WNT5A: variants seen among roughly 807,000 people sequenced by gnomAD.
WNT5A encodes Wnt family member 5A, also known as protein Wnt-5a.
WNT5A carries 9 observed loss-of-function variants against 42.1 expected under a neutral mutation model. The ratio of observed to expected loss-of-function variants is 0.21; its 90% CI spans 0.13 to 0.37. The LOEUF is 0.37. Ranked by LOEUF, WNT5A falls within the 10% of genes least tolerant of loss-of-function variation. The pLI is 1.00. For missense variants in WNT5A, 426 were observed against 534.0 expected, an observed-to-expected ratio of 0.80 and a Z score of 1.99; for synonymous variants, 210 against 210.0, an observed-to-expected ratio of 1.00 and a Z score of 0.00.
the WNT5A span, among the ~76,000 whole-genome samples, chr3:55,498,764 G>A: frequency 6.6e-6 from 1 of 151,836 alleles, no homozygotes; most frequent in Admixed American, 6.5e-5. Context: ...AACAGAGATA[G>A]TCTCAGGATT....
rs375205756 is a variant in WNT5A, at chr3:55,467,936, C to A, written c.*2156G>T. ...AATTAGTGCTTTTTGCTTTCAAGAT[C>A]TTTTGCTCACAATTCACTGCAACTG... is the stretch of plus-strand genomic sequence containing the variant. On this transcript the variant is annotated 3_prime_UTR_variant, in exon 5 of 5. Transcript: ENST00000264634. 3 of 152,182 alleles carry A rather than the reference C, an allele frequency of 2.0e-5. No homozygotes were observed. The highest frequency in any genetic ancestry group is 1.5e-5 in the Non-Finnish European group (1 of 68,006). The allele number at this position is 152,182 out of a possible 1,614,324, so 9.4% of individuals were successfully genotyped here. A position where few individuals can be genotyped will look rare whatever the true frequency, so the allele number is the denominator to read the frequency against.
At chr3:55,482,205 C>A (rs968661698) in intron 1 of WNT5A, among the ~76,000 whole-genome samples, 1 of 152,212 alleles carries the variant, frequency 6.6e-6, no homozygotes, top group African/African-American at 2.4e-5. Flanking sequence ...GGCAAAGAGG[C>A]CCCCAGCGGC....
chr3:55,472,844 C>T (rs1197785099), intron 4 of WNT5A, among the ~76,000 whole-genome samples: 4 of 152,118 alleles, frequency 2.6e-5, no homozygotes, highest in East Asian at 3.8e-4. Flanking sequence ...TTACTACTGG[C>T]GGACACTAAA....
At chr3:55,488,668 TGAAA>T (rs2051620603), upstream of WNT5A, among the ~76,000 whole-genome samples, 1 of 152,026 alleles carries the variant, frequency 6.6e-6, no homozygotes, top group African/African-American at 2.4e-5. Context: ...CGGCATCTGC[TGAAA>T]GAGAGAGGTC....
At chr3:55,503,934 G>A in the WNT5A span, among the ~76,000 whole-genome samples, 1 of 152,176 alleles carries the variant, frequency 6.6e-6, no homozygotes, top group Non-Finnish European at 1.5e-5. Flanking sequence ...CAGCAACAGA[G>A]CAAGACTCTG....
the WNT5A span, among the ~76,000 whole-genome samples, chr3:55,499,992 AAAATTAAATT>A: frequency 6.6e-6 from 1 of 151,218 alleles, no homozygotes; most frequent in South Asian, 2.1e-4. Flanking sequence ...AAAAAAAAAA[AAAATTAAATT>A]AAATTAAATT....
chr3:55,501,215 TA>T, the WNT5A span, among the ~76,000 whole-genome samples: 5 of 152,216 alleles, frequency 3.3e-5, no homozygotes, highest in East Asian at 7.7e-4. Context: ...TATCCAGTTA[TA>T]TGCCCTCCTC....
At chr3:55,480,429 C>T (rs2051436064) in intron 2 of WNT5A, among the ~76,000 whole-genome samples, 1 of 152,210 alleles carries the variant, frequency 6.6e-6, no homozygotes. Flanking sequence ...CTCACTTTTA[C>T]TACCTAGAGG....
chr3:55,470,078 C>G lies in WNT5A; in HGVS notation c.*14G>C. The G allele has an allele frequency of 6.2e-7, 1 of 1,613,938 alleles. No individual in the cohort carries two copies. The highest frequency in any genetic ancestry group is 8.5e-7 in the Non-Finnish European group (1 of 1,179,854). On this transcript the variant is annotated 3_prime_UTR_variant, in exon 5 of 5. Transcript: ENST00000264634. Reference sequence around the variant, plus strand: ...CGGGTCCTGGGAGCGGGGCTGAGTGCTGGGTGGCACCCACTACTTGCACAC... The same window carrying G: ...CGGGTCCTGGGAGCGGGGCTGAGTGGTGGGTGGCACCCACTACTTGCACAC...
chr3:55,474,366 T>C lies in WNT5A; in HGVS notation c.655A>G (p.Asn219Asp). 1 of 1,612,948 alleles carries C rather than the reference T, an allele frequency of 6.2e-7. No homozygotes were observed. Among genetic ancestry groups the C allele is most frequent in the Non-Finnish European group, 8.5e-7 (1 of 1,179,782 alleles). ...GSYESARILM[N>D]LHNNEAGRRT... ...CGGCCGGCCTCGTTGTTGTGCAGGT[T>C]CATGAGGATGCGAGCACTCTCGTAG... The change falls in exon 4 of 5, where the codon AAC (asparagine) becomes GAC (aspartate). Residue 219 changes from asparagine (N) to aspartate (D), a missense_variant. Asn to Asp is a conservative substitution (Grantham distance 23). This residue lies in a region of WNT5A where 358 missense variants were observed against 468.1 expected (regional missense o/e 0.76). Transcript: ENST00000264634.
At chr3:55,480,940 A>G (rs781400767) in intron 1 of WNT5A, 22 bp from the exon 2 acceptor site, 9 of 1,484,666 alleles carry the variant, frequency 6.1e-6, no homozygotes, top group Admixed American at 4.7e-5. Context: ...AGAAAGGAGC[A>G]GATGTTTATT....
At chr3:55,486,659 CGAT>C (rs1342702549) in intron 1 of WNT5A, among the ~76,000 whole-genome samples, 2 of 152,350 alleles carry the variant, frequency 1.3e-5, no homozygotes, top group African/African-American at 4.8e-5. Flanking sequence ...AAATTACACT[CGAT>C]GTTCTCAGAG....
In WNT5A at chr3:55,487,170, T is replaced by C. The variant is rs1393189901; in HGVS notation, c.-185A>G. On this transcript the variant is annotated 5_prime_UTR_variant, in exon 1 of 5. Transcript: ENST00000264634. Reference sequence around the variant, plus strand: ...CGGGCACTGGCGCCCGGGCCTGGACTCCCGAGTTGGGGCAGAGCTGGGATG... The same window carrying C: ...CGGGCACTGGCGCCCGGGCCTGGACCCCCGAGTTGGGGCAGAGCTGGGATG... 8.5e-6 allele frequency: 5 copies of C among 586,258 alleles called. No individual in the cohort carries two copies. The highest frequency in any genetic ancestry group is 1.5e-5 in the Non-Finnish European group (5 of 331,594). 36.3% of individuals were successfully genotyped at this position (586,258 alleles called of 1,614,324 possible). A position where few individuals can be genotyped will look rare whatever the true frequency, so the allele number is the denominator to read the frequency against.
intron 1 of WNT5A, 127 bp downstream of exon 1, chr3:55,486,853 G>T: frequency 1.3e-6 from 1 of 767,262 alleles, no homozygotes. Flanking sequence ...CAGCGACGCT[G>T]GAGTTCCAGC....
chr3:55,474,243 A>G, intron 4 of WNT5A, 94 bp downstream of exon 4: 2 of 1,504,482 alleles, frequency 1.3e-6, no homozygotes. Context: ...GGAGTGGCAG[A>G]GGAGAGGACG....
chr3:55,496,990 T>C, the WNT5A span, among the ~76,000 whole-genome samples: 1 of 152,258 alleles, frequency 6.6e-6, no homozygotes, highest in African/African-American at 2.4e-5. Context: ...ACGGGTCACC[T>C]ACTGTGGATC....
chr3:55,484,813 G>C (rs551372415), intron 1 of WNT5A, among the ~76,000 whole-genome samples: 1 of 152,130 alleles, frequency 6.6e-6, no homozygotes, highest in Non-Finnish European at 1.5e-5. Flanking sequence ...AGAGTCCTTG[G>C]ACAGAGGAAG....
the WNT5A span, among the ~76,000 whole-genome samples, chr3:55,496,024 A>G: frequency 6.6e-6 from 1 of 152,182 alleles, no homozygotes; most frequent in Non-Finnish European, 1.5e-5. Flanking sequence ...AGAACATAGA[A>G]ATTTTACGTT....
rs554227798 is a variant in WNT5A at position 55,478,527 on chromosome 3, C to T, written c.391+787G>A. Reference sequence around the variant, plus strand: ...TGGACCACATCTGTCAAATAGTATCCTATACTATTTAAACAAAAGCAGAGG... The same window carrying T: ...TGGACCACATCTGTCAAATAGTATCTTATACTATTTAAACAAAAGCAGAGG... On this transcript the variant is annotated intron_variant, in intron 3 of 4. Coordinates refer to ENST00000264634, the MANE Select transcript of WNT5A (RefSeq NM_003392.7). Among the ~76,000 whole-genome samples, 4 of 152,204 alleles carry T rather than the reference C, an allele frequency of 2.6e-5. No individual in the cohort carries two copies. In the South Asian group the frequency reaches 6.2e-4, roughly 24 times the overall value.
Sources: allele counts gnomAD v4.1 joint callset (sites outside exome capture counted in the v4.1 genomes callset), GRCh38; gene constraint gnomAD v4.1.1; regional missense constraint gnomAD v4.1.1; transcripts MANE v1.5; gene names NCBI Gene and HGNC (gene_info 2026-07-23, HGNC 2026-07-21).